The following VWDE variants were observed in gnomAD, a reference collection of about 807,000 sequenced individuals.
VWDE encodes the protein von Willebrand factor D and EGF domain-containing protein.
Under a neutral mutation model 178.4 loss-of-function variants are expected in VWDE, and 207 were observed. That is an observed-to-expected ratio of 1.16 (90% confidence interval 1.04 to 1.30). The LOEUF (loss-of-function observed/expected upper bound fraction) is 1.30. VWDE is among the 50% of genes most tolerant of loss of function. The pLI is 0.00. For missense variants in VWDE, 2,287 were observed against 1,901.3 expected, an observed-to-expected ratio of 1.20 and a Z score of -3.77; for synonymous variants, 738 against 651.4, an observed-to-expected ratio of 1.13 and a Z score of -2.02.
intron 27 of VWDE, among the ~76,000 whole-genome samples, 178 bp downstream of exon 27, chr7:12,335,963 C>A (rs1002384422): frequency 6.6e-6 from 1 of 152,014 alleles, no homozygotes; most frequent in Admixed American, 6.6e-5. Flanking sequence ...ACACTTTTTT[C>A]TTTTAAATGG....
intron 5 of VWDE, among the ~76,000 whole-genome samples, chr7:12,379,970 C>G: frequency 6.6e-6 from 1 of 151,606 alleles, no homozygotes; most frequent in Admixed American, 6.6e-5. Context: ...TGGTGGCGGG[C>G]GCCTGTAGTC....
intron 23 of VWDE, among the ~76,000 whole-genome samples, chr7:12,341,182 A>G (rs925871481): frequency 6.6e-6 from 1 of 152,170 alleles, no homozygotes; most frequent in East Asian, 1.9e-4. Flanking sequence ...GCGACTTGAA[A>G]TGAGGGCAAA....
chr7:12,340,304 C>T lies in VWDE; in HGVS notation c.4366+18G>A. 6.5e-7 allele frequency: 1 copy of T among 1,535,482 alleles called. No individual in the cohort carries two copies. On this transcript the variant is annotated intron_variant, in intron 24 of 28. Transcript: ENST00000275358. The stretch of plus-strand genomic sequence containing the variant: ...ACTTTCCATTTGCCCTTTTTACATA[C>T]AAAGAAAGAATAATTACCATTCTGA...
At chr7:12,332,102 T>C (rs1282752794) in intron 28 of VWDE, among the ~76,000 whole-genome samples, 1 of 151,994 alleles carries the variant, frequency 6.6e-6, no homozygotes, top group Non-Finnish European at 1.5e-5. Flanking sequence ...TGGATACCCA[T>C]GGATGGTGAT....
At chr7:12,400,400 C>A (rs191463724) in intron 1 of VWDE, among the ~76,000 whole-genome samples, 1 of 151,876 alleles carries the variant, frequency 6.6e-6, no homozygotes, top group Non-Finnish European at 1.5e-5. Context: ...CTACTGAAAA[C>A]CTTATTAAGG....
chr7:12,373,140 A>G lies in VWDE; in HGVS notation c.1424T>C (p.Val475Ala). Reference sequence around the variant, plus strand: ...GGCAACAAACCCACAATTACATGACACTGGATAGTGAAGGCTTCTGCAGTC... The same window carrying G: ...GGCAACAAACCCACAATTACATGACGCTGGATAGTGAAGGCTTCTGCAGTC... ...QWDCRSLHYP[V>A]SCNCGFVAQE... is the part of the protein sequence containing the mutation. The change falls in exon 10 of 29, where the codon GTG becomes GCG. Residue 475 changes from valine to alanine, a missense_variant. Coordinates refer to ENST00000275358, the MANE Select transcript of VWDE (RefSeq NM_001135924.3). 6.4e-7 allele frequency: 1 copy of G among 1,551,370 alleles called. No homozygotes were observed. Among genetic ancestry groups the G allele is most frequent in the South Asian group, 1.2e-5 (1 of 84,054 alleles).
intron 2 of VWDE, among the ~76,000 whole-genome samples, chr7:12,390,209 G>A (rs1465135211): frequency 1.3e-5 from 2 of 150,708 alleles, no homozygotes; most frequent in Admixed American, 6.6e-5. Flanking sequence ...CTCACTTGAA[G>A]TCATTTATCA....
intron 8 of VWDE, 62 bp downstream of exon 8, chr7:12,374,948 T>C (rs769027746): frequency 4.5e-5 from 65 of 1,457,668 alleles, no homozygotes; most frequent in Non-Finnish European, 5.7e-5. Context: ...TAAGACATAA[T>C]GATAAAATAC....
At chr7:12,361,062 A>G in intron 15 of VWDE, 85 bp downstream of exon 15, 1 of 835,558 alleles carries the variant, frequency 1.2e-6, no homozygotes, top group Admixed American at 3.2e-5. Context: ...TATAAAAGTG[A>G]AAAAACTACA....
intron 4 of VWDE, among the ~76,000 whole-genome samples, chr7:12,381,206 G>A (rs931165149): frequency 3.3e-5 from 5 of 152,196 alleles, no homozygotes; most frequent in African/African-American, 1.2e-4. Context: ...TCATTGCAGA[G>A]GTGATTATAC....
At position 12,339,444 on chromosome 7, in the gene VWDE, T is replaced by C. The variant is rs542779693; in HGVS notation, c.4366+878A>G. On this transcript the variant is annotated intron_variant, in intron 24 of 28. Coordinates refer to ENST00000275358, the MANE Select transcript of VWDE (RefSeq NM_001135924.3). Reference sequence around the variant, plus strand: ...TCCCTTAACTTAGTCTTTACTTCTTTCTGTTTCTCAAACTGCTTCTTCAAA... The same window carrying C: ...TCCCTTAACTTAGTCTTTACTTCTTCCTGTTTCTCAAACTGCTTCTTCAAA... Among the ~76,000 whole-genome samples, 10 of 152,290 alleles carry C rather than the reference T, an allele frequency of 6.6e-5. No individual in the cohort carries two copies. The East Asian group carries it at 1.9e-3, about 29-fold the overall frequency.
Position 12,403,813 on chromosome 7 carries a change from G to T in VWDE, c.-97C>A. The stretch of plus-strand genomic sequence containing the variant: ...GCAGCCCCTCGGGCCTCCTTTCTTG[G>T]ATTTTCTCAGTCTGTTGCTGCTTGG... On this transcript the variant is annotated 5_prime_UTR_variant, in exon 1 of 29. Transcript: ENST00000275358. 2 of 1,314,916 alleles carry T rather than the reference G, an allele frequency of 1.5e-6. No homozygotes were observed. The highest frequency in any genetic ancestry group is 2.1e-6 in the Non-Finnish European group (2 of 942,842). The allele number at this position is 1,314,916 out of a possible 1,614,324, so 81.5% of individuals were successfully genotyped here. A position where few individuals can be genotyped will look rare whatever the true frequency, so the allele number is the denominator to read the frequency against.
intron 6 of VWDE, among the ~76,000 whole-genome samples, chr7:12,378,970 A>G (rs1316915453): frequency 1.3e-5 from 2 of 152,016 alleles, no homozygotes; most frequent in Non-Finnish European, 2.9e-5. Flanking sequence ...CTGCTTATTA[A>G]TTCCCTGTCA....
chr7:12,343,396 G>A (rs1781434104), intron 21 of VWDE, among the ~76,000 whole-genome samples: 2 of 152,112 alleles, frequency 1.3e-5, no homozygotes, highest in African/African-American at 4.8e-5. Flanking sequence ...AAAACGTTTT[G>A]TTAACTGGAA....
chr7:12,333,285 A>C (rs10282726), intron 28 of VWDE, among the ~76,000 whole-genome samples, 180 bp downstream of exon 28: 54,248 of 151,934 alleles, frequency 0.36, 10,130 homozygotes, highest in Admixed American at 0.48. Flanking sequence ...ACACATCAAA[A>C]TTTTATATAA....
rs925400571 is a variant in VWDE, at chr7:12,393,685, T to C, written c.152A>G (p.Gln51Arg). ...GAGGGAATGGTCACATATTAGGTCTTGAACAGCTGACTGCTGGAGGTGCCA... is the reference window on the plus strand; with the variant it reads ...GAGGGAATGGTCACATATTAGGTCTCGAACAGCTGACTGCTGGAGGTGCCA... ...DSWHLQQSAV[Q>R]DLICDHSLSP... is the part of the protein sequence containing the mutation. The change falls in exon 2 of 29, where the codon CAA (glutamine) becomes CGA (arginine). Residue 51 changes from glutamine to arginine, a missense_variant. By Grantham distance (43) the Gln-to-Arg change is conservative. Transcript: ENST00000275358. The C allele has an allele frequency of 1.3e-5, 20 of 1,551,184 alleles. No individual in the cohort carries two copies. Among genetic ancestry groups the C allele is most frequent in the Non-Finnish European group, 1.7e-5 (19 of 1,146,712 alleles).
In VWDE at chr7:12,370,378, C is replaced by T. The variant is rs772813104; in HGVS notation, c.1928G>A (p.Arg643Gln). 7.7e-6 allele frequency: 12 copies of T among 1,550,434 alleles called. No individual in the cohort carries two copies. Among genetic ancestry groups the T allele is most frequent in the African/African-American group, 5.5e-5 (4 of 72,946 alleles). Residue 643 changes from arginine (R) to glutamine (Q), a missense_variant, in exon 12 of 29, where the codon CGA becomes CAA. Arg to Gln is a conservative substitution (Grantham distance 43). Transcript: ENST00000275358. ...TTTGCAACCCAAGGCAATTTCTGAT[C>T]GAGAAACACTGTCCAGATCTTCGGA... The part of the protein sequence containing the change: ...PSSEDLDSVS[R>Q]SEIALGCKDL...
chr7:12,369,200 G>A (rs554408824), intron 12 of VWDE, among the ~76,000 whole-genome samples: 1 of 152,122 alleles, frequency 6.6e-6, no homozygotes, highest in Non-Finnish European at 1.5e-5. Flanking sequence ...GGGCCCAGTT[G>A]TGTGTAAAGG....
chr7:12,354,707 C>T (rs1397456196), intron 18 of VWDE, among the ~76,000 whole-genome samples: 1 of 151,984 alleles, frequency 6.6e-6, no homozygotes, highest in African/African-American at 2.4e-5. Context: ...CCAGACCTTT[C>T]AAGTACATAC....
Sources: gnomAD v4.1 joint callset for allele counts (sites outside exome capture counted in the v4.1 genomes callset) on GRCh38, gnomAD v4.1.1 for gene constraint, MANE v1.5 for transcripts, NCBI Gene and HGNC (gene_info 2026-07-23, HGNC 2026-07-21) for gene names.